USHBP1: variants seen among roughly 807,000 people sequenced by gnomAD.
USHBP1 encodes USH1 protein network component harmonin binding protein 1.
In USHBP1, 67 loss-of-function variants were observed where a neutral mutation model predicts 76.2. That is an observed-to-expected ratio of 0.88 (90% CI 0.72 to 1.08). The LOEUF (loss-of-function observed/expected upper bound fraction) is 1.08, where lower values mean the gene tolerates loss of function less well. Ranked by LOEUF, USHBP1 falls within the 50% of genes least tolerant of loss-of-function variation. The pLI is 0.00. For synonymous variants in USHBP1, 322 were observed against 362.2 expected (o/e 0.89, Z 1.26); for missense variants, 931 against 915.0 (o/e 1.02, Z -0.23).
intron 5 of USHBP1, 45 bp from the exon 6 acceptor site, chr19:17,259,777 G>T (rs2073666041): frequency 1.3e-6 from 2 of 1,581,424 alleles, no homozygotes; most frequent in African/African-American, 1.4e-5. Context: ...GTCACCAAGA[G>T]CCTGGGATTG....
rs770882403 is a variant in USHBP1 at position 17,255,545 on chromosome 19, T to A, written c.1532A>T (p.Glu511Val). ...GGCTCGGAGGGCAGCCTCCCGCAGC[T>A]CTAGGCCCCGCTTCTCACGCCGCAC... ...QLVRREKRGL[E>V]LREAALRALG... The change falls in exon 10 of 13, where the codon GAG (glutamate) becomes GTG (valine). Residue 511 changes from glutamate to valine, a missense_variant. By Grantham distance (121) the Glu-to-Val change is moderately radical. Transcript: ENST00000252597. 13 of 1,613,566 alleles carry A rather than the reference T, an allele frequency of 8.1e-6. No homozygotes were observed. Among genetic ancestry groups the A allele is most frequent in the Non-Finnish European group, 1.1e-5 (13 of 1,179,826 alleles).
intron 8 of USHBP1, 151 bp from the exon 9 acceptor site, chr19:17,256,871 C>T: frequency 8.5e-7 from 1 of 1,176,882 alleles, no homozygotes; most frequent in Non-Finnish European, 1.2e-6. Flanking sequence ...ACCAACATAC[C>T]CCACTAGGCA....
chr19:17,260,105 G>A (rs2073670451), intron 4 of USHBP1, 83 bp from the exon 5 acceptor site: 3 of 1,491,654 alleles, frequency 2.0e-6, no homozygotes, highest in Admixed American at 4.5e-5. Flanking sequence ...TCTTGGGGAA[G>A]TGGCAAGAAC....
At chr19:17,260,974 T>C (rs1393492637) in intron 4 of USHBP1, among the ~76,000 whole-genome samples, 1 of 152,138 alleles carries the variant, frequency 6.6e-6, no homozygotes, top group African/African-American at 2.4e-5. Context: ...ACCTCCACCA[T>C]CGTGCATGTC....
chr19:17,259,369 C>T lies in USHBP1; in HGVS notation c.966G>A (p.Lys322=), dbSNP rs2073660074. The change falls in exon 7 of 13, where the codon AAG becomes AAA. Residue 322 remains lysine, a synonymous_variant. Transcript: ENST00000252597. ...RLLSAVLQGY[K]GRCEGLSMQL... The stretch of plus-strand genomic sequence containing the variant: ...GCATGCTGAGGCCTTCACAGCGGCC[C>T]TTGTATCCCTGTAGCACAGCTGATA... 1 of 1,614,036 alleles carries T rather than the reference C, an allele frequency of 6.2e-7. No individual in the cohort carries two copies. The highest frequency in any genetic ancestry group is 8.5e-7 in the Non-Finnish European group (1 of 1,180,042).
At chr19:17,254,877 A>T (rs2073598630) in intron 10 of USHBP1, among the ~76,000 whole-genome samples, 1 of 151,966 alleles carries the variant, frequency 6.6e-6, no homozygotes. Context: ...CTAAGCTGAG[A>T]TCTACAGGAG....
rs143609517 is a variant in USHBP1, at chr19:17,258,117, C to G, written c.1220+95G>C. 1.5e-5 allele frequency: 24 copies of G among 1,567,548 alleles called. No homozygotes were observed. The African/African-American group carries it at 2.3e-4, about 15-fold the overall frequency. On this transcript the variant is annotated intron_variant, in intron 8 of 12. Coordinates refer to ENST00000252597, the MANE Select transcript of USHBP1 (RefSeq NM_031941.4). ...ACCGACCTTGCTGGACACAGCCACA[C>G]CAAGCCCCGAAACGTGGTGAGCTCT...
chr19:17,258,377 C>T lies in USHBP1; in HGVS notation c.1055G>A (p.Cys352Tyr). ...LHLALQYSEHCEEAYRVLLAL... is the reference protein window; with the variant it reads ...LHLALQYSEHYEEAYRVLLAL... ...AAGCAGAACCCTGTATGCCTCTTCA[C>T]AGTGTTCACTGTGGGACACTGGTTC... Residue 352 changes from cysteine to tyrosine, a missense_variant, in exon 8 of 13, where the codon TGT becomes TAT. Coordinates refer to ENST00000252597, the MANE Select transcript of USHBP1 (RefSeq NM_031941.4). 1 of 1,613,360 alleles carries T rather than the reference C, an allele frequency of 6.2e-7. No homozygotes were observed. The highest frequency in any genetic ancestry group is 8.5e-7 in the Non-Finnish European group (1 of 1,179,870).
At chr19:17,251,877 C>A in intron 11 of USHBP1, 34 bp downstream of exon 11, 1 of 1,518,628 alleles carries the variant, frequency 6.6e-7, no homozygotes, top group South Asian at 1.2e-5. Context: ...GCTGCCTGCC[C>A]ACCCCCCGCA....
At chr19:17,260,420 C>T (rs1271546246) in intron 4 of USHBP1, among the ~76,000 whole-genome samples, 3 of 152,182 alleles carry the variant, frequency 2.0e-5, no homozygotes, top group African/African-American at 4.8e-5. Flanking sequence ...ACCTCTGCCT[C>T]CCGGATTCAA....
chr19:17,260,623 C>T (rs1264207512), intron 4 of USHBP1, among the ~76,000 whole-genome samples: 1 of 152,122 alleles, frequency 6.6e-6, no homozygotes, highest in East Asian at 1.9e-4. Flanking sequence ...AGACAATGCA[C>T]CCAGCAGCCA....
At chr19:17,260,532 G>C (rs1307954283) in intron 4 of USHBP1, among the ~76,000 whole-genome samples, 2 of 152,152 alleles carry the variant, frequency 1.3e-5, no homozygotes, top group Non-Finnish European at 2.9e-5. Context: ...GTTTCACCAT[G>C]TTGACCAGGC....
intron 12 of USHBP1, among the ~76,000 whole-genome samples, chr19:17,250,717 A>AT (rs2073540295): frequency 6.6e-6 from 1 of 151,070 alleles, no homozygotes; most frequent in Non-Finnish European, 1.5e-5. Context: ...CGCCCAGCTA[A>AT]TTTTTTTGTA....
At chr19:17,251,470 G>A in intron 12 of USHBP1, 112 bp downstream of exon 12, 1 of 1,443,452 alleles carries the variant, frequency 6.9e-7, no homozygotes, top group South Asian at 1.2e-5. Flanking sequence ...GACCGTTACT[G>A]CCTATCTTGG....
intron 12 of USHBP1, 129 bp from the exon 13 acceptor site, chr19:17,250,543 TTTGTTGTTG>T (rs748524355): frequency 3.7e-6 from 4 of 1,073,212 alleles, no homozygotes; most frequent in African/African-American, 1.6e-5. Context: ...TAGCTGGTCT[TTTGTTGTTG>T]TTGTTGTTGT....
intron 8 of USHBP1, among the ~76,000 whole-genome samples, chr19:17,257,232 C>T (rs1309616815): frequency 7.4e-5 from 11 of 147,826 alleles, no homozygotes; most frequent in African/African-American, 2.7e-4. Flanking sequence ...GAGGTTTCAC[C>T]GTGTTAGCCA....
intron 10 of USHBP1, among the ~76,000 whole-genome samples, chr19:17,253,276 C>T (rs73012598): frequency 0.17 from 25,511 of 146,208 alleles, 2,386 homozygotes; most frequent in Non-Finnish European, 0.2. Context: ...CCATCGTGCC[C>T]GGACAGTAAT....
chr19:17,262,032 A>C (rs1426349383), intron 4 of USHBP1, among the ~76,000 whole-genome samples: 1 of 123,028 alleles, frequency 8.1e-6, no homozygotes, highest in East Asian at 2.4e-4. Flanking sequence ...ACAGAGTCTC[A>C]CTCTGTCCCC....
chr19:17,250,347 G>A lies in USHBP1; in HGVS notation c.1990C>T (p.Gln664Ter). Reference sequence around the variant, plus strand: ...TGCTGAGCCTCCATGAGTGCCATCTGCTGCTCCAACTTCCGGCGTTGCTCT... The same window carrying A: ...TGCTGAGCCTCCATGAGTGCCATCTACTGCTCCAACTTCCGGCGTTGCTCT... The part of the protein sequence containing the change: ...QEEQRRKLEQ[Q>*]MALMEAQQAE... Residue 664 changes from glutamine (Q) to a stop codon, truncating the protein, a stop_gained, in exon 13 of 13, where the codon CAG (glutamine) becomes TAG (stop). Transcript: ENST00000252597. LOFTEE classifies it low-confidence loss of function (END_TRUNC). The A allele has an allele frequency of 1.2e-6, 2 of 1,613,806 alleles. No individual in the cohort carries two copies. The highest frequency in any genetic ancestry group is 1.7e-6 in the Non-Finnish European group (2 of 1,179,962).
Sources: gnomAD v4.1 joint callset for allele counts (sites outside exome capture counted in the v4.1 genomes callset) on GRCh38, gnomAD v4.1.1 for gene constraint, MANE v1.5 for transcripts, NCBI Gene and HGNC (gene_info 2026-07-23, HGNC 2026-07-21) for gene names.